The following CELF2 variants were observed in gnomAD, a reference collection of about 807,000 sequenced individuals.
CELF2 encodes the protein CUGBP Elav-like family member 2.
CELF2 carries 8 observed loss-of-function variants against 62.6 expected under a neutral mutation model. The ratio of observed to expected loss-of-function variants is 0.13; its 90% CI spans 0.07 to 0.23. The LOEUF (loss-of-function observed/expected upper bound fraction) is 0.23, where lower values mean the gene tolerates loss of function less well. CELF2 is among the 10% of genes least tolerant of loss of function. The probability of loss-of-function intolerance (pLI) is 1.00; values close to 1 mark genes in which losing one functional copy is unlikely to be tolerated. For synonymous variants in CELF2, 258 were observed against 250.0 expected, an observed-to-expected ratio of 1.03 and a Z score of -0.30; for missense variants, 333 against 671.0, an observed-to-expected ratio of 0.50 and a Z score of 5.56.
intron 1 of CELF2, among the ~76,000 whole-genome samples, chr10:11,025,962 C>CT (rs2059132804): frequency 6.6e-6 from 1 of 152,222 alleles, no homozygotes; most frequent in East Asian, 1.9e-4. Flanking sequence ...TTGAGGGCCT[C>CT]TTTTCTCCTC....
At chr10:11,282,159 C>T (rs2089132343) in intron 8 of CELF2, among the ~76,000 whole-genome samples, 1 of 151,406 alleles carries the variant, frequency 6.6e-6, no homozygotes, top group Admixed American at 6.6e-5. Context: ...ATCCGTCCCT[C>T]CCTATCCCTC....
chr10:10,554,718 G>A, the CELF2 span, among the ~76,000 whole-genome samples: 12 of 152,158 alleles, frequency 7.9e-5, no homozygotes, highest in East Asian at 7.7e-4. Context: ...CTCTTCCATC[G>A]TCTATGTAAA....
chr10:10,955,875 G>A lies in CELF2; in HGVS notation c.89+35876G>A, dbSNP rs984601089. On this transcript the variant is annotated intron_variant, in intron 2 of 13. Transcript: ENST00000636488. ...CCCTTCAAGTTACTCAAGAGGAAAC[G>A]GAAGCTCCAAGAGGCAAAGCGACTT... 3.3e-5 allele frequency among the ~76,000 whole-genome samples: 5 copies of A among 152,278 alleles called. No individual in the cohort carries two copies. In the South Asian group the frequency reaches 6.2e-4, roughly 19 times the overall value.
intron 1 of CELF2, among the ~76,000 whole-genome samples, chr10:11,151,821 G>A (rs181742368): frequency 2.6e-5 from 4 of 152,274 alleles, no homozygotes; most frequent in East Asian, 1.9e-4. Flanking sequence ...AAAAACAAGG[G>A]TGTCTGGTTT....
chr10:10,513,171 A>G, the CELF2 span, among the ~76,000 whole-genome samples: 5 of 152,206 alleles, frequency 3.3e-5, no homozygotes, highest in African/African-American at 1.2e-4. Flanking sequence ...TTAGTAGTTT[A>G]CAGGACACTG....
chr10:10,770,758 C>A, the CELF2 span, among the ~76,000 whole-genome samples: 1 of 151,150 alleles, frequency 6.6e-6, no homozygotes, highest in African/African-American at 2.4e-5. Context: ...ATTTTGAAAT[C>A]CTGCTAAGTG....
the CELF2 span, among the ~76,000 whole-genome samples, chr10:10,754,903 C>T: frequency 7.2e-5 from 11 of 152,198 alleles, no homozygotes; most frequent in African/African-American, 2.4e-4. Context: ...CGTCAGTCAA[C>T]GGACAATGAG....
At chr10:10,651,316 G>A in the CELF2 span, among the ~76,000 whole-genome samples, 1 of 148,212 alleles carries the variant, frequency 6.7e-6, no homozygotes, top group East Asian at 1.9e-4. Flanking sequence ...CATTGCCCAG[G>A]CTTGCTTAGG....
At chr10:11,205,115 A>G (rs563662895) in intron 2 of CELF2, among the ~76,000 whole-genome samples, 1 of 152,342 alleles carries the variant, frequency 6.6e-6, no homozygotes, top group East Asian at 1.9e-4. Flanking sequence ...GGATGTTCAG[A>G]GTATTCAAAG....
At chr10:10,702,662 G>A in the CELF2 span, among the ~76,000 whole-genome samples, 9 of 152,192 alleles carry the variant, frequency 5.9e-5, no homozygotes, top group Non-Finnish European at 1.2e-4. Context: ...CTGGCGCACT[G>A]CAACTTCCGC....
intron 1 of CELF2, among the ~76,000 whole-genome samples, chr10:10,906,404 G>A (rs921164772): frequency 6.6e-6 from 1 of 152,190 alleles, no homozygotes. Context: ...TGTTGGTGAT[G>A]GAGATGTTAC....
In CELF2 at chr10:11,335,180, C is replaced by T. The variant is rs2096095963; in HGVS notation, c.*6127C>T. The T allele has an allele frequency of 6.6e-6, 1 of 152,478 alleles. No homozygotes were observed. The highest frequency in any genetic ancestry group is 2.1e-4 in the South Asian group (1 of 4,834). 9.4% of individuals were successfully genotyped at this position (152,478 alleles called of 1,614,324 possible). A position where few individuals can be genotyped will look rare whatever the true frequency, so the allele number is the denominator to read the frequency against. On this transcript the variant is annotated 3_prime_UTR_variant, in exon 13 of 13. Coordinates refer to ENST00000633077, the MANE Select transcript of CELF2 (RefSeq NM_001326342.2). The surrounding 1 kb of genome is among the most constrained non-coding windows in gnomAD (Gnocchi z 5.0). ...AACCTAAGTCTCGTCCCCACTGTCA[C>T]CCCAAGGCCAGTTATCAAAAACTGT...
chr10:10,865,443 C>T (rs889038175), intron 1 of CELF2, among the ~76,000 whole-genome samples: 3 of 152,158 alleles, frequency 2.0e-5, no homozygotes, highest in East Asian at 1.9e-4. Context: ...AGAGACCAAG[C>T]TAATATGCTT....
intron 1 of CELF2, among the ~76,000 whole-genome samples, chr10:10,859,324 A>T (rs2059926631): frequency 6.6e-6 from 1 of 152,154 alleles, no homozygotes; most frequent in African/African-American, 2.4e-5. Context: ...AGGACTTCTT[A>T]ATCAAAAGTG....
intron 8 of CELF2, among the ~76,000 whole-genome samples, chr10:11,276,610 C>T (rs1162579665): frequency 2.0e-5 from 3 of 152,184 alleles, no homozygotes; most frequent in Non-Finnish European, 4.4e-5. Context: ...TTTCAGCCCA[C>T]GGGAGATTTG....
chr10:11,081,815 A>G (rs186293965), intron 1 of CELF2, among the ~76,000 whole-genome samples: 40 of 152,302 alleles, frequency 2.6e-4, no homozygotes, highest in African/African-American at 9.1e-4. Flanking sequence ...TCTTTACCTT[A>G]AGAAAGAAAG....
the CELF2 span, among the ~76,000 whole-genome samples, chr10:10,700,970 T>A: frequency 6.6e-6 from 1 of 152,350 alleles, no homozygotes; most frequent in East Asian, 1.9e-4. Context: ...TCTGGCTTTA[T>A]CTTTTATTCT....
chr10:11,222,703 G>A (rs2065232479), intron 3 of CELF2, among the ~76,000 whole-genome samples: 1 of 152,200 alleles, frequency 6.6e-6, no homozygotes, highest in Admixed American at 6.5e-5. Context: ...TATGTGTTTA[G>A]TAAGTAGCTC....
the CELF2 span, among the ~76,000 whole-genome samples, chr10:10,614,472 C>A: frequency 3.9e-5 from 6 of 152,086 alleles, no homozygotes; most frequent in African/African-American, 1.5e-4. Flanking sequence ...TATCTTACGG[C>A]AAATGGCTCC....
Sources: gnomAD v4.1 joint callset for allele counts (sites outside exome capture counted in the v4.1 genomes callset) on GRCh38, gnomAD v4.1.1 for gene constraint, Gnocchi (gnomAD v3.1) non-coding constraint, MANE v1.5 for transcripts, NCBI Gene and HGNC (gene_info 2026-07-23, HGNC 2026-07-21) for gene names.